Variants in FSTL5 observed in about 807,000 individuals in gnomAD.
FSTL5 encodes the protein follistatin-related protein 5.
FSTL5 carries 62 observed loss-of-function variants against 89.1 expected under a neutral mutation model. The ratio of observed to expected loss-of-function variants is 0.70; its 90% CI spans 0.57 to 0.86. The LOEUF (loss-of-function observed/expected upper bound fraction) is 0.86. FSTL5 is among the 40% of genes least tolerant of loss of function. FSTL5 has a pLI of 0.00. For synonymous variants in FSTL5, 383 were observed against 346.2 expected (o/e 1.11, Z -1.18); for missense variants, 1,057 against 1,001.6 (o/e 1.06, Z -0.75).
At chr4:162,072,577 T>G (rs543484698) in intron 2 of FSTL5, among the ~76,000 whole-genome samples, 2 of 151,948 alleles carry the variant, frequency 1.3e-5, no homozygotes, top group East Asian at 3.9e-4. Flanking sequence ...ATAACAAATA[T>G]AGGCACCCCT....
intron 15 of FSTL5, among the ~76,000 whole-genome samples, chr4:161,452,282 C>A (rs1038659755): frequency 6.6e-6 from 1 of 152,100 alleles, no homozygotes; most frequent in African/African-American, 2.4e-5. Flanking sequence ...TCAAGACCAG[C>A]CTGACCAAGA....
intron 13 of FSTL5, among the ~76,000 whole-genome samples, chr4:161,466,802 C>CATAAAA: frequency 6.6e-6 from 1 of 152,106 alleles, no homozygotes; most frequent in East Asian, 1.9e-4. Flanking sequence ...TTTTTAGCTG[C>CATAAAA]AGATAAAAAT....
intron 1 of FSTL5, among the ~76,000 whole-genome samples, chr4:162,159,675 A>C (rs1337654316): frequency 1.3e-5 from 2 of 152,046 alleles, no homozygotes; most frequent in African/African-American, 4.8e-5. Context: ...ATGGCTTATT[A>C]TCTGAAGATT....
chr4:161,563,760 A>G (rs938834542), intron 8 of FSTL5, among the ~76,000 whole-genome samples: 3 of 152,006 alleles, frequency 2.0e-5, no homozygotes, highest in South Asian at 2.1e-4. Context: ...TGTTCTTGTC[A>G]GTTATACTAA....
intron 3 of FSTL5, among the ~76,000 whole-genome samples, chr4:161,933,860 A>C (rs1034780364): frequency 6.7e-6 from 1 of 148,346 alleles, no homozygotes. Flanking sequence ...TATTTACCAC[A>C]TATGTTTGCT....
At chr4:161,396,487 C>CAAAA (rs539749954) in intron 15 of FSTL5, among the ~76,000 whole-genome samples, 1,503 of 106,726 alleles carry the variant, frequency 0.014, 29 homozygotes, top group African/African-American at 0.05. Context: ...ACTAAAAATA[C>CAAAA]AAAAAAAAAA....
At chr4:162,088,725 C>A (rs918204297) in intron 2 of FSTL5, among the ~76,000 whole-genome samples, 1 of 152,058 alleles carries the variant, frequency 6.6e-6, no homozygotes. Context: ...ATGTTAAAAT[C>A]TTTAAGTAAG....
chr4:162,052,589 T>C (rs1738413128), intron 2 of FSTL5, among the ~76,000 whole-genome samples: 1 of 151,712 alleles, frequency 6.6e-6, no homozygotes, highest in East Asian at 1.9e-4. Context: ...AGGATGACCA[T>C]CAGAGTTTTC....
chr4:161,891,997 C>T (rs147184603), intron 4 of FSTL5, among the ~76,000 whole-genome samples: 64 of 151,994 alleles, frequency 4.2e-4, no homozygotes, highest in Admixed American at 9.8e-4. Context: ...GACAGTTTTG[C>T]TTCAATTTTT....
At position 161,701,567 on chromosome 4, in the gene FSTL5, A is replaced by C. The variant is rs539160584; in HGVS notation, c.728-45073T>G. Among the ~76,000 whole-genome samples the C allele has an allele frequency of 9.9e-5, 15 of 152,236 alleles. No homozygotes were observed. In the South Asian group the frequency reaches 3.1e-3, roughly 32 times the overall value. Reference sequence around the variant, plus strand: ...CATTTTTATAATCTAGTATAAAGTCAGAACAAGTTTTAGATAAAATGAAGT... The same window carrying C: ...CATTTTTATAATCTAGTATAAAGTCCGAACAAGTTTTAGATAAAATGAAGT... On this transcript the variant is annotated intron_variant, in intron 6 of 15. Coordinates refer to ENST00000306100, the MANE Select transcript of FSTL5 (RefSeq NM_020116.5).
intron 4 of FSTL5, among the ~76,000 whole-genome samples, chr4:161,806,312 T>C (rs1384878154): frequency 6.6e-6 from 1 of 152,126 alleles, no homozygotes; most frequent in South Asian, 2.1e-4. Context: ...CATTAAGTTA[T>C]ATAGAATCTT....
At chr4:161,418,370 CATGACAATAA>C (rs1263112904) in intron 15 of FSTL5, among the ~76,000 whole-genome samples, 71 of 152,134 alleles carry the variant, frequency 4.7e-4, no homozygotes, top group Admixed American at 4.3e-3. Flanking sequence ...CATACAAATG[CATGACAATAA>C]ATGATACAGT....
At chr4:162,072,087 G>T (rs1729649516) in intron 2 of FSTL5, among the ~76,000 whole-genome samples, 1 of 151,718 alleles carries the variant, frequency 6.6e-6, no homozygotes, top group South Asian at 2.1e-4. Flanking sequence ...GATGCAAAGG[G>T]ATACTAATAG....
intron 8 of FSTL5, among the ~76,000 whole-genome samples, chr4:161,566,338 T>G (rs893217010): frequency 6.6e-6 from 1 of 151,822 alleles, no homozygotes; most frequent in Non-Finnish European, 1.5e-5. Context: ...GTACCGCATT[T>G]TCTTTATCCA....
At chr4:161,617,189 A>G (rs1225147133) in intron 7 of FSTL5, among the ~76,000 whole-genome samples, 3 of 152,004 alleles carry the variant, frequency 2.0e-5, no homozygotes, top group African/African-American at 7.2e-5. Context: ...ATGTATAAAC[A>G]TATATAGCTA....
chr4:161,878,903 A>C (rs1056491241), intron 4 of FSTL5, among the ~76,000 whole-genome samples: 1 of 152,174 alleles, frequency 6.6e-6, no homozygotes, highest in East Asian at 1.9e-4. Flanking sequence ...TTCCCAGCTT[A>C]CATATGATGC....
intron 2 of FSTL5, among the ~76,000 whole-genome samples, chr4:162,044,513 G>A (rs1738097589): frequency 6.6e-6 from 1 of 152,112 alleles, no homozygotes; most frequent in Non-Finnish European, 1.5e-5. Context: ...TGGTAAATGA[G>A]CATTTGTTTC....
chr4:161,481,200 A>C lies in FSTL5; in HGVS notation c.1459-31T>G, dbSNP rs147077925. On this transcript the variant is annotated intron_variant, in intron 12 of 15. Transcript: ENST00000306100. ...ATTTAGGAAAGAGAAAATGAAATTT[A>C]TACCTTAAATTATAACACATGCCTG... 1,663 of 1,564,948 alleles carry C rather than the reference A, an allele frequency of 1.1e-3. 8 individuals are homozygous for C. In the African/African-American group the frequency reaches 0.016, roughly 16 times the overall value.
At chr4:162,159,027 G>A (rs1022101061) in intron 1 of FSTL5, among the ~76,000 whole-genome samples, 1 of 152,038 alleles carries the variant, frequency 6.6e-6, no homozygotes, top group Admixed American at 6.6e-5. Flanking sequence ...TAGAGTCACA[G>A]CAATTGCTGT....
Sources: allele counts gnomAD v4.1 joint callset (sites outside exome capture counted in the v4.1 genomes callset), GRCh38; gene constraint gnomAD v4.1.1; transcripts MANE v1.5; gene names NCBI Gene and HGNC (gene_info 2026-07-23, HGNC 2026-07-21).